The following SYBU variants were observed in gnomAD, a reference collection of about 807,000 sequenced individuals.
SYBU encodes the protein syntabulin, also known as GOLSYN A protein.
A neutral mutation model predicts 35.9 loss-of-function variants in SYBU; 21 were observed. The observed-to-expected ratio is 0.58, with a 90% CI of 0.41 to 0.84. The LOEUF is 0.84. Among genes scored for constraint, SYBU ranks in the 40% least tolerant of loss-of-function variants. The pLI is 0.00. For missense variants in SYBU, 768 were observed against 848.2 expected, an observed-to-expected ratio of 0.91 and a Z score of 1.17; for synonymous variants, 319 against 324.3, an observed-to-expected ratio of 0.98 and a Z score of 0.18.
intron 2 of SYBU, among the ~76,000 whole-genome samples, chr8:109,642,447 A>T (rs79259995): frequency 0.016 from 2,416 of 152,290 alleles, 69 homozygotes; most frequent in African/African-American, 0.056. Context: ...AGTATAATAA[A>T]ACAAAGGAAA....
chr8:109,578,064 T>C, intron 5 of SYBU, 47 bp from the exon 6 acceptor site: 1 of 1,576,616 alleles, frequency 6.3e-7, no homozygotes, highest in Non-Finnish European at 8.6e-7. Flanking sequence ...CGTTTCCTTT[T>C]CTATAAAAAG....
intron 1 of SYBU, among the ~76,000 whole-genome samples, chr8:109,676,596 G>A (rs1291229672): frequency 2.6e-5 from 4 of 152,196 alleles, no homozygotes; most frequent in Non-Finnish European, 4.4e-5. Flanking sequence ...TTAATCAACT[G>A]TAGTCAAGCA....
intron 3 of SYBU, among the ~76,000 whole-genome samples, chr8:109,604,561 G>C (rs1056569911): frequency 3.3e-5 from 5 of 152,208 alleles, no homozygotes; most frequent in African/African-American, 1.2e-4. Context: ...TTAAATGGTA[G>C]CTGAGACTGA....
At chr8:109,633,733 T>A (rs184468237) in intron 2 of SYBU, among the ~76,000 whole-genome samples, 3 of 152,118 alleles carry the variant, frequency 2.0e-5, no homozygotes, top group Admixed American at 6.5e-5. Context: ...TTATCTTTTT[T>A]ATTATTATTA....
intron 3 of SYBU, among the ~76,000 whole-genome samples, chr8:109,616,976 TA>T (rs531361201): frequency 1.6e-4 from 24 of 146,156 alleles, no homozygotes; most frequent in South Asian, 4.4e-4. Flanking sequence ...CCATTTCTAC[TA>T]AAAAAAAAAG....
At chr8:109,612,472 A>C (rs997006109) in intron 3 of SYBU, among the ~76,000 whole-genome samples, 2 of 152,218 alleles carry the variant, frequency 1.3e-5, no homozygotes, top group South Asian at 4.1e-4. Flanking sequence ...AGTATGCAGA[A>C]TGTTTTCATA....
At chr8:109,629,549 G>A (rs1198676870) in intron 2 of SYBU, among the ~76,000 whole-genome samples, 3 of 150,834 alleles carry the variant, frequency 2.0e-5, no homozygotes, top group Non-Finnish European at 4.4e-5. Context: ...TAACCACTAT[G>A]TTGCATGGCT....
At chr8:109,663,266 TAG>T (rs1563771212) in intron 1 of SYBU, among the ~76,000 whole-genome samples, 3 of 147,344 alleles carry the variant, frequency 2.0e-5, no homozygotes, top group African/African-American at 5.0e-5. Context: ...TACAGATAGA[TAG>T]ATAGATAGAT....
At chr8:109,684,918 CAAGGT>C (rs1197620389), upstream of SYBU, among the ~76,000 whole-genome samples, 8 of 152,144 alleles carry the variant, frequency 5.3e-5, no homozygotes, top group Non-Finnish European at 1.5e-5. Context: ...ATTAGAAAAG[CAAGGT>C]TGCCTAGGTA....
intron 2 of SYBU, among the ~76,000 whole-genome samples, chr8:109,623,816 A>G (rs1218960526): frequency 2.0e-5 from 3 of 152,298 alleles, no homozygotes; most frequent in Non-Finnish European, 4.4e-5. Flanking sequence ...TTAATTATAA[A>G]CCCATAATTC....
chr8:109,623,031 G>GCA (rs71305963), intron 2 of SYBU, among the ~76,000 whole-genome samples: 3,167 of 150,868 alleles, frequency 0.021, 103 homozygotes, highest in African/African-American at 0.068. Context: ...GTGCGCGCGC[G>GCA]CACACACACA....
At chr8:109,667,122 A>G (rs756572816) in intron 1 of SYBU, among the ~76,000 whole-genome samples, 13 of 151,940 alleles carry the variant, frequency 8.6e-5, no homozygotes, top group Admixed American at 2.6e-4. Flanking sequence ...TGTTATTATT[A>G]TTTCCTTTTT....
intron 1 of SYBU, among the ~76,000 whole-genome samples, chr8:109,675,369 T>C (rs1223447377): frequency 1.3e-5 from 2 of 152,004 alleles, no homozygotes; most frequent in Admixed American, 6.6e-5. Flanking sequence ...TTTGAAAAGA[T>C]TAACAAAATA....
At chr8:109,639,554 T>C (rs1296355633) in intron 2 of SYBU, among the ~76,000 whole-genome samples, 1 of 152,194 alleles carries the variant, frequency 6.6e-6, no homozygotes, top group Non-Finnish European at 1.5e-5. Context: ...TGAGTGAATG[T>C]GATGATTTAT....
chr8:109,654,171 A>C (rs1343809822), intron 1 of SYBU, among the ~76,000 whole-genome samples: 1 of 152,084 alleles, frequency 6.6e-6, no homozygotes, highest in Non-Finnish European at 1.5e-5. Context: ...TTCTAGTACA[A>C]CCTGATTTCT....
chr8:109,673,210 G>A (rs1426111897), intron 1 of SYBU, among the ~76,000 whole-genome samples: 1 of 152,166 alleles, frequency 6.6e-6, no homozygotes, highest in Non-Finnish European at 1.5e-5. Context: ...CCTCAAGTGA[G>A]TTCCTGACCC....
Position 109,575,327 on chromosome 8 carries a change from G to GACTC in SYBU, c.1567_1570dup (p.Ser524Ter). 1 of 1,614,200 alleles carries GACTC rather than the reference G, an allele frequency of 6.2e-7. No homozygotes were observed. Among genetic ancestry groups the GACTC allele is most frequent in the Non-Finnish European group, 8.5e-7 (1 of 1,180,034 alleles). On this transcript the variant is annotated stop_gained and frameshift_variant, in exon 7 of 7. Coordinates refer to ENST00000276646, the MANE Select transcript of SYBU (RefSeq NM_001099754.2). LOFTEE classifies it low-confidence loss of function (END_TRUNC). ...GAAGCTCTCCATCGAGTCTGGTTCA[G>GACTC]ACTCATCAGGGGACGCCAAGCTCGA...
At chr8:109,678,435 T>A (rs987707434) in intron 1 of SYBU, among the ~76,000 whole-genome samples, 3 of 7,398 alleles carry the variant, frequency 4.1e-4, no homozygotes, top group Non-Finnish European at 1.2e-3. Context: ...TCAAATAACC[T>A]TTTTTTTTTT....
chr8:109,619,073 G>A lies in SYBU; in HGVS notation c.230-34C>T, dbSNP rs774259331. On this transcript the variant is annotated intron_variant, in intron 2 of 6. Transcript: ENST00000276646. Reference sequence around the variant, plus strand: ...CAGGAATCAATAAGTGTTTAATGATGAGGAGGAAATCAATGATGGTGAGAA... The same window carrying A: ...CAGGAATCAATAAGTGTTTAATGATAAGGAGGAAATCAATGATGGTGAGAA... 4 of 1,541,166 alleles carry A rather than the reference G, an allele frequency of 2.6e-6. No individual in the cohort carries two copies. In the African/African-American group the frequency reaches 5.4e-5, roughly 21 times the overall value.
Sources: gnomAD v4.1 joint callset for allele counts (sites outside exome capture counted in the v4.1 genomes callset) on GRCh38, gnomAD v4.1.1 for gene constraint, MANE v1.5 for transcripts, NCBI Gene and HGNC (gene_info 2026-07-23, HGNC 2026-07-21) for gene names.